The following GABRG3 variants were observed in gnomAD, a reference collection of about 807,000 sequenced individuals.
GABRG3 encodes gamma-aminobutyric acid type A receptor subunit gamma3.
In GABRG3, 25 loss-of-function variants were observed where a neutral mutation model predicts 48.8. That is an observed-to-expected ratio of 0.51 (90% CI 0.37 to 0.72). GABRG3 has a LOEUF of 0.72. Ranked by LOEUF, GABRG3 falls within the 30% of genes least tolerant of loss-of-function variation. GABRG3 has a pLI of 0.00. For synonymous variants in GABRG3, 227 were observed against 217.6 expected (o/e 1.04, Z -0.38); for missense variants, 394 against 577.9 (o/e 0.68, Z 3.26).
At chr15:27,247,834 A>G (rs1169017003) in intron 3 of GABRG3, among the ~76,000 whole-genome samples, 8 of 152,282 alleles carry the variant, frequency 5.3e-5, no homozygotes, top group African/African-American at 1.9e-4. Flanking sequence ...AGACTTATTC[A>G]CTACCATGAG....
At chr15:27,016,422 A>T (rs1895780699) in intron 2 of GABRG3, among the ~76,000 whole-genome samples, 1 of 151,934 alleles carries the variant, frequency 6.6e-6, no homozygotes, top group Admixed American at 6.6e-5. Flanking sequence ...TGAATATATT[A>T]TCCAACTTCA....
At chr15:27,332,084 T>C (rs1185629386) in intron 5 of GABRG3, among the ~76,000 whole-genome samples, 1 of 152,238 alleles carries the variant, frequency 6.6e-6, no homozygotes, top group Non-Finnish European at 1.5e-5. Context: ...ATAATAACAC[T>C]GTCCTAATGA....
intron 3 of GABRG3, among the ~76,000 whole-genome samples, chr15:27,077,557 C>T (rs766597214): frequency 1.2e-4 from 19 of 152,138 alleles, no homozygotes; most frequent in African/African-American, 1.7e-4. Context: ...TGCTGACCTT[C>T]GTGGGTAAAA....
chr15:27,021,901 G>A (rs1303541851), intron 2 of GABRG3, among the ~76,000 whole-genome samples: 1 of 152,144 alleles, frequency 6.6e-6, no homozygotes, highest in Admixed American at 6.5e-5. Context: ...ACTATCTTTT[G>A]TAAGAGATAT....
At chr15:27,335,744 G>A (rs1368102898) in intron 5 of GABRG3, among the ~76,000 whole-genome samples, 1 of 152,066 alleles carries the variant, frequency 6.6e-6, no homozygotes, top group Non-Finnish European at 1.5e-5. Context: ...ATAGAGTGGC[G>A]ATTGCTGCCC....
At chr15:27,245,423 G>A (rs1890240424) in intron 3 of GABRG3, among the ~76,000 whole-genome samples, 1 of 152,162 alleles carries the variant, frequency 6.6e-6, no homozygotes, top group Non-Finnish European at 1.5e-5. Context: ...AGTTATATGA[G>A]AGCAAATATA....
At position 27,202,657 on chromosome 15, in the gene GABRG3, C is replaced by G. The variant is rs77437107; in HGVS notation, c.271-124152C>G. Among the ~76,000 whole-genome samples, 143 of 152,098 alleles carry G rather than the reference C, an allele frequency of 9.4e-4. 3 individuals carry two copies. In the East Asian group the frequency reaches 0.019, roughly 20 times the overall value. Reference sequence around the variant, plus strand: ...TATTGCTTTATATTGCATTTTTTTGCTTCTTTCAGCATTATTTCTTACGTT... The same window carrying G: ...TATTGCTTTATATTGCATTTTTTTGGTTCTTTCAGCATTATTTCTTACGTT... On this transcript the variant is annotated intron_variant, in intron 3 of 9. Transcript: ENST00000615808.
intron 3 of GABRG3, among the ~76,000 whole-genome samples, chr15:27,087,922 G>GGT (rs139541711): frequency 6.7e-6 from 1 of 148,476 alleles, no homozygotes; most frequent in Non-Finnish European, 1.5e-5. Context: ...GGTGTGCTGT[G>GGT]GTGTGTGTGT....
At chr15:27,411,353 G>A (rs1047398613) in intron 5 of GABRG3, among the ~76,000 whole-genome samples, 2 of 152,042 alleles carry the variant, frequency 1.3e-5, no homozygotes, top group East Asian at 1.9e-4. Context: ...TTCTGCCCCC[G>A]CTACTTGTTG....
intron 5 of GABRG3, among the ~76,000 whole-genome samples, chr15:27,342,097 G>A (rs1253257652): frequency 6.6e-6 from 1 of 152,142 alleles, no homozygotes; most frequent in Non-Finnish European, 1.5e-5. Context: ...CCACTGCCAC[G>A]TCATCGCAGT....
intron 3 of GABRG3, among the ~76,000 whole-genome samples, chr15:27,320,002 C>T (rs1202848489): frequency 6.6e-6 from 1 of 152,062 alleles, no homozygotes; most frequent in East Asian, 1.9e-4. Flanking sequence ...GCAAGGGGCA[C>T]CTGCTTCCAC....
At chr15:27,271,358 G>A (rs968212456) in intron 3 of GABRG3, among the ~76,000 whole-genome samples, 5 of 152,310 alleles carry the variant, frequency 3.3e-5, no homozygotes, top group Middle Eastern at 3.4e-3. Flanking sequence ...GCTGCCACCC[G>A]CACTCTGTCC....
chr15:27,066,528 G>T (rs1896740428), intron 3 of GABRG3, among the ~76,000 whole-genome samples: 1 of 152,098 alleles, frequency 6.6e-6, no homozygotes, highest in East Asian at 1.9e-4. Flanking sequence ...AAGAAAAATA[G>T]GCCCCATTTA....
chr15:27,095,759 G>A (rs1456605525), intron 3 of GABRG3, among the ~76,000 whole-genome samples: 2 of 152,048 alleles, frequency 1.3e-5, no homozygotes, highest in Admixed American at 6.6e-5. Context: ...CCAGTGGAGC[G>A]CAGGAGGAGA....
At chr15:27,235,576 A>G (rs1277579988) in intron 3 of GABRG3, among the ~76,000 whole-genome samples, 1 of 152,204 alleles carries the variant, frequency 6.6e-6, no homozygotes, top group Non-Finnish European at 1.5e-5. Context: ...AAAGAAGGAA[A>G]CATAATTTTC....
chr15:27,305,245 C>A (rs1386306539), intron 3 of GABRG3, among the ~76,000 whole-genome samples: 3 of 151,288 alleles, frequency 2.0e-5, no homozygotes, highest in African/African-American at 7.3e-5. Flanking sequence ...GACTGGAAAA[C>A]AGAAAAATTT....
chr15:27,278,341 C>G (rs1388616751), intron 3 of GABRG3, among the ~76,000 whole-genome samples: 1 of 152,126 alleles, frequency 6.6e-6, no homozygotes, highest in Non-Finnish European at 1.5e-5. Context: ...TGAGCCACTG[C>G]GCCTGGCCTC....
intron 5 of GABRG3, among the ~76,000 whole-genome samples, chr15:27,464,480 T>C (rs7167756): frequency 0.42 from 64,131 of 152,120 alleles, 16,638 homozygotes; most frequent in African/African-American, 0.72. Flanking sequence ...ATTGTGTACA[T>C]GTAGGACTGG....
intron 6 of GABRG3, among the ~76,000 whole-genome samples, chr15:27,518,358 A>T (rs1891076614): frequency 7.9e-6 from 1 of 126,636 alleles, no homozygotes; most frequent in African/African-American, 3.7e-5. Flanking sequence ...GACAAGAGTG[A>T]AACTCTGTCT....
Sources: gnomAD v4.1 joint callset for allele counts (sites outside exome capture counted in the v4.1 genomes callset) on GRCh38, gnomAD v4.1.1 for gene constraint, MANE v1.5 for transcripts, NCBI Gene and HGNC (gene_info 2026-07-23, HGNC 2026-07-21) for gene names.